RMDN1: variants seen among roughly 807,000 people sequenced by gnomAD.
RMDN1 encodes regulator of microtubule dynamics 1.
In RMDN1, 48 loss-of-function variants were observed where a neutral mutation model predicts 48.9. That is an observed-to-expected ratio of 0.98 (90% CI 0.78 to 1.25). The LOEUF is 1.25. Ranked by LOEUF, RMDN1 falls within the 50% of genes most tolerant of loss-of-function variation. RMDN1 has a pLI of 0.00. For missense variants in RMDN1, 418 were observed against 373.4 expected (o/e 1.12, Z -0.98); for synonymous variants, 148 against 132.6 (o/e 1.12, Z -0.80).
At chr8:86,484,329 G>A (rs1815090838) in intron 5 of RMDN1, among the ~76,000 whole-genome samples, 1 of 152,166 alleles carries the variant, frequency 6.6e-6, no homozygotes, top group Non-Finnish European at 1.5e-5. Flanking sequence ...TCTCAGCTGA[G>A]GGCCCAGGTG....
chr8:86,508,840 C>G, upstream of RMDN1: 1 of 1,257,998 alleles, frequency 7.9e-7, no homozygotes, highest in Non-Finnish European at 1.0e-6. Flanking sequence ...AATGGACTTT[C>G]CGCGCCTGCG....
At position 86,473,303 on chromosome 8, in the gene RMDN1, G is replaced by A. The variant is rs1812834733; in HGVS notation, c.*1005C>T. ...TGCTCCTTTTTACAAAACTTAAAAA[G>A]ATTTTGCAGTGGTGGCACTCCAGCC... On this transcript the variant is annotated 3_prime_UTR_variant, in exon 10 of 10. Transcript: ENST00000406452. 1.0e-6 allele frequency: 1 copy of A among 985,270 alleles called. No homozygotes were observed. The highest frequency in any genetic ancestry group is 1.7e-5 in the African/African-American group (1 of 57,230). 61.0% of individuals were successfully genotyped at this position (985,270 alleles called of 1,614,324 possible). A position where few individuals can be genotyped will look rare whatever the true frequency, so the allele number is the denominator to read the frequency against.
rs766820001 is a variant in RMDN1 at position 86,508,653 on chromosome 8, T to C, written c.-33A>G. 2.5e-6 allele frequency: 4 copies of C among 1,569,874 alleles called. No individual in the cohort carries two copies. The highest frequency in any genetic ancestry group is 1.1e-5 in the South Asian group (1 of 88,564). On this transcript the variant is annotated 5_prime_UTR_variant, in exon 1 of 10. Transcript: ENST00000406452. ...AACTTGCGGGCTGACCCTGCACTAC[T>C]TCAGGCAGCTACGGAGGCGGGCGGG...
At chr8:86,491,384 A>C (rs960226849) in intron 2 of RMDN1, among the ~76,000 whole-genome samples, 3 of 152,082 alleles carry the variant, frequency 2.0e-5, no homozygotes, top group Non-Finnish European at 4.4e-5. Flanking sequence ...TCTGCACTGC[A>C]AAAAATCAGT....
chr8:86,495,297 G>GC (rs1403912245), intron 2 of RMDN1, among the ~76,000 whole-genome samples: 1 of 152,108 alleles, frequency 6.6e-6, no homozygotes, highest in Non-Finnish European at 1.5e-5. Context: ...GTGTGGAGTG[G>GC]CCCACTCTCA....
chr8:86,478,258 A>G (rs1166098496), intron 7 of RMDN1: 1 of 152,212 alleles, frequency 6.6e-6, no homozygotes, highest in Non-Finnish European at 1.5e-5. Context: ...AACTGTGTGT[A>G]AAGAATACAA....
chr8:86,508,621 G>C lies in RMDN1; in HGVS notation c.-1C>G. The C allele has an allele frequency of 6.2e-7, 1 of 1,600,018 alleles. No individual in the cohort carries two copies. Among genetic ancestry groups the C allele is most frequent in the South Asian group, 1.1e-5 (1 of 90,248 alleles). On this transcript the variant is annotated 5_prime_UTR_variant, in exon 1 of 10. Transcript: ENST00000406452. ...GCCACAGTCGAGCAGCCAGCGCCATGACCTGCAACTTGCGGGCTGACCCTG... is the reference window on the plus strand; with the variant it reads ...GCCACAGTCGAGCAGCCAGCGCCATCACCTGCAACTTGCGGGCTGACCCTG...
intron 2 of RMDN1, chr8:86,494,942 C>A (rs1440494877): frequency 2.3e-6 from 1 of 437,134 alleles, no homozygotes; most frequent in Admixed American, 2.6e-5. Flanking sequence ...CCTCCACACT[C>A]TACCCTCAGT....
rs1563577194 is a variant in RMDN1, at chr8:86,474,354, T to G, written c.899A>C (p.Gln300Pro). 6.2e-7 allele frequency: 1 copy of G among 1,610,728 alleles called. No individual in the cohort carries two copies. Among genetic ancestry groups the G allele is most frequent in the Non-Finnish European group, 8.5e-7 (1 of 1,177,254 alleles). The change falls in exon 10 of 10, where the codon CAG becomes CCG. Residue 300 changes from glutamine (Q) to proline (P), a missense_variant. By Grantham distance (76) the Gln-to-Pro change is moderately conservative. Coordinates refer to ENST00000406452, the MANE Select transcript of RMDN1 (RefSeq NM_016033.3). Reference sequence around the variant, plus strand: ...TGTAAGCAACTGAGCAGCTTCTGTCTGTATCTAAAATGGAAAAATACATGT... The same window carrying G: ...TGTAAGCAACTGAGCAGCTTCTGTCGGTATCTAAAATGGAAAAATACATGT... ...PAHTEEDKQI[Q>P]TEAAQLLTSF...
At chr8:86,492,910 G>C (rs1816738156) in intron 2 of RMDN1, among the ~76,000 whole-genome samples, 1 of 151,242 alleles carries the variant, frequency 6.6e-6, no homozygotes, top group Non-Finnish European at 1.5e-5. Context: ...GAGGAAGAAA[G>C]AGCTTTTAAA....
chr8:86,495,906 A>G (rs893950399), intron 2 of RMDN1, among the ~76,000 whole-genome samples: 2 of 152,148 alleles, frequency 1.3e-5, no homozygotes, highest in Admixed American at 6.5e-5. Context: ...AGCTAGAGAG[A>G]AGGAGGTCAC....
At chr8:86,509,344 CTTACTCGAGCAAAGTATTTTATT>C (rs1366262145), upstream of RMDN1, among the ~76,000 whole-genome samples, 1 of 152,086 alleles carries the variant, frequency 6.6e-6, no homozygotes, top group Non-Finnish European at 1.5e-5. Context: ...AGATGTTTTA[CTTACTCGAGCAAAGTATTTTATT>C]TTACTCGAGT....
intron 8 of RMDN1, among the ~76,000 whole-genome samples, chr8:86,476,236 G>T (rs903869984): frequency 6.6e-5 from 10 of 152,150 alleles, no homozygotes; most frequent in South Asian, 2.1e-4. Context: ...GTTAAAAAAA[G>T]TCATCCCTAG....
In RMDN1 at chr8:86,486,568, C is replaced by G; in HGVS notation, c.411G>C (p.Glu137Asp). 4 of 1,612,632 alleles carry G rather than the reference C, an allele frequency of 2.5e-6. No individual in the cohort carries two copies. The highest frequency in any genetic ancestry group is 3.4e-6 in the Non-Finnish European group (4 of 1,179,044). Residue 137 changes from glutamate to aspartate, a missense_variant, in exon 4 of 10, where the codon GAG (glutamate) becomes GAC (aspartate). Glu to Asp is a conservative substitution (Grantham distance 45, BLOSUM62 2). Coordinates refer to ENST00000406452, the MANE Select transcript of RMDN1 (RefSeq NM_016033.3). ...CTTCATACACCAATAGCTTTTTCTCCTCTTCTGAGGTTCTGCTAAGCTGAG... is the reference window on the plus strand; with the variant it reads ...CTTCATACACCAATAGCTTTTTCTCGTCTTCTGAGGTTCTGCTAAGCTGAG... ...DVAQLSRTSE[E>D]EKKLLVYEAL...
chr8:86,504,823 T>C, intron 2 of RMDN1: 1 of 1,043,302 alleles, frequency 9.6e-7, no homozygotes, highest in African/African-American at 1.6e-5. Context: ...AACTTCTTAG[T>C]CGGACTGCTC....
upstream of RMDN1, among the ~76,000 whole-genome samples, chr8:86,509,568 C>G (rs181884273): frequency 1.3e-5 from 2 of 152,116 alleles, no homozygotes; most frequent in Admixed American, 1.3e-4. Flanking sequence ...GGTTGCATTT[C>G]TATGGTACTT....
chr8:86,514,107 GC>G (rs1189739376), intron 1 of RMDN1: 3 of 285,858 alleles, frequency 1.0e-5, no homozygotes, highest in Non-Finnish European at 1.6e-5. Flanking sequence ...TCCCACCTCT[GC>G]CTCCCAAAAT....
intron 2 of RMDN1, among the ~76,000 whole-genome samples, chr8:86,499,963 G>A (rs907168203): frequency 4.6e-5 from 7 of 152,296 alleles, no homozygotes; most frequent in Non-Finnish European, 8.8e-5. Flanking sequence ...AATAAATGGT[G>A]CTGGGATAAC....
At chr8:86,495,265 A>G (rs1306245675) in intron 2 of RMDN1, among the ~76,000 whole-genome samples, 3 of 152,138 alleles carry the variant, frequency 2.0e-5, no homozygotes, top group Non-Finnish European at 2.9e-5. Flanking sequence ...AGAAGCTCCT[A>G]GGGAAAGGGT....
Sources: allele counts gnomAD v4.1 joint callset (sites outside exome capture counted in the v4.1 genomes callset), GRCh38; gene constraint gnomAD v4.1.1; transcripts MANE v1.5; gene names NCBI Gene and HGNC (gene_info 2026-07-23, HGNC 2026-07-21).